The following TP63 variants were observed in gnomAD, a reference collection of about 807,000 sequenced individuals.
TP63 encodes the protein tumor protein p63.
TP63 carries 17 observed loss-of-function variants against 82.8 expected under a neutral mutation model. The ratio of observed to expected loss-of-function variants is 0.21; its 90% CI spans 0.14 to 0.31. The LOEUF is 0.31. TP63 is among the 10% of genes least tolerant of loss of function. The pLI, the probability that TP63 is intolerant of heterozygous loss-of-function variation, is 1.00. For synonymous variants in TP63, 330 were observed against 321.7 expected (o/e 1.03, Z -0.28); for missense variants, 648 against 895.3 (o/e 0.72, Z 3.52).
intron 4 of TP63, among the ~76,000 whole-genome samples, chr3:189,863,256 G>T (rs573894904): frequency 2.8e-4 from 43 of 152,296 alleles, no homozygotes; most frequent in Non-Finnish European, 4.6e-4. Flanking sequence ...TGGGTGGTTT[G>T]CCTGAGCAAA....
chr3:189,664,721 T>C (rs1358894054), intron 1 of TP63, among the ~76,000 whole-genome samples: 1 of 152,208 alleles, frequency 6.6e-6, no homozygotes, highest in Non-Finnish European at 1.5e-5. Flanking sequence ...TATTGCTGAA[T>C]TGTATGCTTG....
chr3:189,717,431 T>A (rs921869254), intron 1 of TP63, among the ~76,000 whole-genome samples: 5 of 152,196 alleles, frequency 3.3e-5, no homozygotes, highest in African/African-American at 1.2e-4. Flanking sequence ...GAATAATAAT[T>A]TGCTTATTAG....
At chr3:189,768,154 C>T (rs573932899) in intron 3 of TP63, among the ~76,000 whole-genome samples, 66 of 152,194 alleles carry the variant, frequency 4.3e-4, no homozygotes, top group Middle Eastern at 3.4e-3. Flanking sequence ...GCTGCTGTTG[C>T]TGTTGCTGTT....
At chr3:189,744,821 G>C (rs1187003361) in intron 3 of TP63, among the ~76,000 whole-genome samples, 3 of 152,120 alleles carry the variant, frequency 2.0e-5, no homozygotes, top group Non-Finnish European at 2.9e-5. Context: ...TGGCTTGCCT[G>C]GACTCACTAA....
In TP63 at chr3:189,711,741, A is replaced by G. The variant is rs149322635; in HGVS notation, c.63-25999A>G. Reference sequence around the variant, plus strand: ...ACAGCCTACAGTACTCTGACAATTTAAAAAATATAACCTGTTTTCTTTCAT... The same window carrying G: ...ACAGCCTACAGTACTCTGACAATTTGAAAAATATAACCTGTTTTCTTTCAT... On this transcript the variant is annotated intron_variant, in intron 1 of 13. Transcript: ENST00000264731. Among the ~76,000 whole-genome samples, 789 of 152,296 alleles carry G rather than the reference A, an allele frequency of 5.2e-3. 14 individuals are homozygous for G. Among genetic ancestry groups the G allele is most frequent in the African/African-American group, 0.018 (756 of 41,572 alleles).
intron 4 of TP63, chr3:189,844,127 A>T (rs563460531): frequency 4.6e-5 from 15 of 322,920 alleles, no homozygotes; most frequent in African/African-American, 3.1e-4. Context: ...GATGTTTATT[A>T]GGATGGATAT....
Position 189,803,878 on chromosome 3 carries a change from G to A in TP63, c.325-4394G>A, listed in dbSNP as rs115209178. On this transcript the variant is annotated intron_variant, in intron 3 of 13. Transcript: ENST00000264731. ...GTGTTCATTTTTGCCTTTATGTTTTGTGGAAAGAATACTGCCTCTTTTTTC... is the reference window on the plus strand; with the variant it reads ...GTGTTCATTTTTGCCTTTATGTTTTATGGAAAGAATACTGCCTCTTTTTTC... Among the ~76,000 whole-genome samples the A allele has an allele frequency of 6.6e-3, 1,009 of 152,242 alleles. 8 individuals are homozygous for A. Among genetic ancestry groups the A allele is most frequent in the African/African-American group, 0.023 (967 of 41,542 alleles).
At chr3:189,856,022 A>G (rs1716250486) in intron 4 of TP63, among the ~76,000 whole-genome samples, 1 of 151,854 alleles carries the variant, frequency 6.6e-6, no homozygotes, top group Non-Finnish European at 1.5e-5. Context: ...ATTTAATACA[A>G]TGGGCTGGCA....
intron 3 of TP63, among the ~76,000 whole-genome samples, chr3:189,757,693 T>C (rs1722283695): frequency 6.6e-6 from 1 of 152,158 alleles, no homozygotes; most frequent in South Asian, 2.1e-4. Context: ...TTATTGTAGG[T>C]AGCTAGTCAG....
At chr3:189,828,035 GT>G (rs779275251) in intron 4 of TP63, among the ~76,000 whole-genome samples, 2 of 152,166 alleles carry the variant, frequency 1.3e-5, no homozygotes, top group African/African-American at 2.4e-5. Context: ...GAGGTCTGGA[GT>G]TCAAGACCAG....
chr3:189,690,884 T>C (rs1048673219), intron 1 of TP63, among the ~76,000 whole-genome samples: 1 of 152,202 alleles, frequency 6.6e-6, no homozygotes, highest in South Asian at 2.1e-4. Context: ...GTCCTGAAGA[T>C]GCTTTTTTGA....
At chr3:189,700,883 A>G (rs1391979440) in intron 1 of TP63, among the ~76,000 whole-genome samples, 2 of 152,206 alleles carry the variant, frequency 1.3e-5, no homozygotes, top group Non-Finnish European at 2.9e-5. Context: ...ATACCAAGCT[A>G]GGAACATAAA....
chr3:189,781,267 T>C lies in TP63; in HGVS notation c.325-27005T>C, dbSNP rs1459784293. ...AAGGGTAATGTAATCCTGAACAGTG[T>C]AGCAGAGAGGATTAGTGAAAACGGG... On this transcript the variant is annotated intron_variant, in intron 3 of 13. Coordinates refer to ENST00000264731, the MANE Select transcript of TP63 (RefSeq NM_003722.5). Among the ~76,000 whole-genome samples the C allele has an allele frequency of 2.0e-5, 3 of 152,330 alleles. No individual in the cohort carries two copies. The East Asian group carries it at 5.8e-4, about 29-fold the overall frequency.
At chr3:189,678,224 G>A (rs1715614113) in intron 1 of TP63, among the ~76,000 whole-genome samples, 1 of 151,966 alleles carries the variant, frequency 6.6e-6, no homozygotes, top group African/African-American at 2.4e-5. Flanking sequence ...TACAGTTTAA[G>A]GTTTTACATT....
At chr3:189,639,641 A>T (rs1267849882) in intron 1 of TP63, among the ~76,000 whole-genome samples, 2 of 152,120 alleles carry the variant, frequency 1.3e-5, no homozygotes, top group Non-Finnish European at 2.9e-5. Context: ...AATTCCATTA[A>T]CTCAGGCAGA....
chr3:189,814,186 C>T (rs982375498), intron 4 of TP63, among the ~76,000 whole-genome samples: 7 of 152,324 alleles, frequency 4.6e-5, no homozygotes, highest in Middle Eastern at 6.8e-3. Context: ...AAAAAGGCTG[C>T]CAGCTCTGCA....
the TP63 span, among the ~76,000 whole-genome samples, chr3:189,626,128 A>G: frequency 6.6e-6 from 1 of 152,188 alleles, no homozygotes; most frequent in Non-Finnish European, 1.5e-5. Flanking sequence ...AATACCATTC[A>G]GTTTACTTAA....
chr3:189,621,931 A>T, the TP63 span, among the ~76,000 whole-genome samples: 1 of 152,226 alleles, frequency 6.6e-6, no homozygotes, highest in Admixed American at 6.5e-5. Flanking sequence ...GACTGAGGCT[A>T]TTCCTGCAAG....
chr3:189,615,687 A>G, the TP63 span, among the ~76,000 whole-genome samples: 1 of 152,168 alleles, frequency 6.6e-6, no homozygotes, highest in African/African-American at 2.4e-5. Flanking sequence ...GGCCCTTGAC[A>G]AGATAGCCAG....
Sources: gnomAD v4.1 joint callset for allele counts (sites outside exome capture counted in the v4.1 genomes callset) on GRCh38, gnomAD v4.1.1 for gene constraint, MANE v1.5 for transcripts, NCBI Gene and HGNC (gene_info 2026-07-23, HGNC 2026-07-21) for gene names.